Variants in CDC16 observed in about 807,000 individuals in gnomAD.
The protein encoded by CDC16 is cell division cycle protein 16 homolog.
Under a neutral mutation model 87.0 loss-of-function variants are expected in CDC16, and 34 were observed. The observed-to-expected ratio is 0.39, with a 90% CI of 0.30 to 0.52. The LOEUF is 0.52. Among genes scored for constraint, CDC16 ranks in the 20% least tolerant of loss-of-function variants. The probability of loss-of-function intolerance (pLI) is 0.74; values close to 1 mark genes in which losing one functional copy is unlikely to be tolerated. For missense variants in CDC16, 653 were observed against 751.9 expected, an observed-to-expected ratio of 0.87 and a Z score of 1.54; for synonymous variants, 263 against 260.6, an observed-to-expected ratio of 1.01 and a Z score of -0.09.
At chr13:114,253,720 CTTT>C (rs150557803) in intron 12 of CDC16, among the ~76,000 whole-genome samples, 43,758 of 150,810 alleles carry the variant, frequency 0.29, 8,461 homozygotes, top group African/African-American at 0.55. Flanking sequence ...ATTATTGAGG[CTTT>C]TTTATGAGCC....
chr13:114,252,978 A>G (rs1352873399), intron 12 of CDC16, among the ~76,000 whole-genome samples: 1 of 152,152 alleles, frequency 6.6e-6, no homozygotes, highest in African/African-American at 2.4e-5. Context: ...TACAAAAAAA[A>G]AATTTAAAAT....
At chr13:114,267,482 C>CAG (rs77027881) in intron 17 of CDC16, among the ~76,000 whole-genome samples, 71,311 of 151,780 alleles carry the variant, frequency 0.47, 19,945 homozygotes, top group African/African-American at 0.78. Context: ...GCCTGGGTGA[C>CAG]AGCCAATCTC....
Position 114,250,758 on chromosome 13 carries a change from T to A in CDC16, c.1097+84T>A, listed in dbSNP as rs1240135437. Reference sequence around the variant, plus strand: ...AATTTCTATTACTATTACTGCTATTTGGTTGCTAAACTAAACACAAACATT... The same window carrying A: ...AATTTCTATTACTATTACTGCTATTAGGTTGCTAAACTAAACACAAACATT... On this transcript the variant is annotated intron_variant, in intron 12 of 17. Coordinates refer to ENST00000356221, the MANE Select transcript of CDC16 (RefSeq NM_001078645.3). 4 of 1,356,970 alleles carry A rather than the reference T, an allele frequency of 2.9e-6. No individual in the cohort carries two copies. The East Asian group carries it at 9.9e-5, about 34-fold the overall frequency. 84.1% of individuals were successfully genotyped at this position (1,356,970 alleles called of 1,614,324 possible).
rs773468801 is a variant in CDC16 at position 114,239,411 on chromosome 13, A to G, written c.302A>G (p.Lys101Arg). 2 of 1,613,468 alleles carry G rather than the reference A, an allele frequency of 1.2e-6. No homozygotes were observed. Among genetic ancestry groups the G allele is most frequent in the Non-Finnish European group, 1.7e-6 (2 of 1,179,466 alleles). Residue 101 changes from lysine to arginine, a missense_variant, in exon 5 of 18, where the codon AAA becomes AGA. Lys to Arg is a conservative substitution (Grantham distance 26). Transcript: ENST00000356221. The stretch of plus-strand genomic sequence containing the variant: ...CTTGACATGGAAGAGCCCATCAATA[A>G]AAGATTATTTGAAAAATACTTGAAG... ...DVLDMEEPIN[K>R]RLFEKYLKDE...
intron 17 of CDC16, among the ~76,000 whole-genome samples, chr13:114,268,275 C>T (rs182045817): frequency 1.3e-5 from 2 of 152,286 alleles, no homozygotes; most frequent in South Asian, 2.1e-4. Flanking sequence ...GCTTACCTCC[C>T]GACTGGCTCA....
At position 114,262,964 on chromosome 13, in the gene CDC16, A is replaced by G. The variant is rs1436581199; in HGVS notation, c.1462A>G (p.Ile488Val). ...ATCCACCTACTCTGCTATTGGATAT[A>G]TCCACAGTCTGATGGGCAACTTTGA... ...NASTYSAIGY[I>V]HSLMGNFENA... Residue 488 changes from isoleucine to valine, a missense_variant, in exon 16 of 18, where the codon ATC becomes GTC. Coordinates refer to ENST00000356221, the MANE Select transcript of CDC16 (RefSeq NM_001078645.3). 3 of 1,613,716 alleles carry G rather than the reference A, an allele frequency of 1.9e-6. No individual in the cohort carries two copies. In the Admixed American group the frequency reaches 5.0e-5, roughly 27 times the overall value.
Position 114,243,774 on chromosome 13 carries a change from A to G in CDC16, c.634-82A>G, listed in dbSNP as rs1021082833. 4.2e-6 allele frequency: 5 copies of G among 1,194,930 alleles called. No individual in the cohort carries two copies. The African/African-American group carries it at 4.5e-5, about 11-fold the overall frequency. The allele number at this position is 1,194,930 out of a possible 1,614,324, so 74.0% of individuals were successfully genotyped here. ...ATTTGTTCTTGTAAATGTTTTAACC[A>G]CTTGGGCCAAACACAAATTGAATCC... is the stretch of plus-strand genomic sequence containing the variant. On this transcript the variant is annotated intron_variant, in intron 7 of 17. Transcript: ENST00000356221.
Position 114,272,487 on chromosome 13 carries a change from T to C in CDC16, c.*44T>C, listed in dbSNP as rs377224919. On this transcript the variant is annotated 3_prime_UTR_variant, in exon 18 of 18. Transcript: ENST00000356221. Reference sequence around the variant, plus strand: ...GTCCCACTGTCCCAGTGTAGGTTAGTATTCCTTCACATCCTCTCCATGGCT... The same window carrying C: ...GTCCCACTGTCCCAGTGTAGGTTAGCATTCCTTCACATCCTCTCCATGGCT... 8 of 1,562,298 alleles carry C rather than the reference T, an allele frequency of 5.1e-6. No individual in the cohort carries two copies. The highest frequency in any genetic ancestry group is 7.0e-6 in the Non-Finnish European group (8 of 1,143,216).
intron 14 of CDC16, among the ~76,000 whole-genome samples, chr13:114,261,494 CAG>C (rs879349756): frequency 3.3e-5 from 5 of 151,844 alleles, no homozygotes; most frequent in African/African-American, 7.3e-5. Context: ...GCAGTGAGGT[CAG>C]GGGCTGGGAT....
chr13:114,240,138 A>G (rs1424659459), intron 5 of CDC16, among the ~76,000 whole-genome samples: 1 of 152,180 alleles, frequency 6.6e-6, no homozygotes, highest in Non-Finnish European at 1.5e-5. Context: ...GGTCAATTTT[A>G]GAATATTTTT....
intron 17 of CDC16, 60 bp from the exon 18 acceptor site, chr13:114,272,124 A>G: frequency 3.1e-6 from 3 of 965,910 alleles, no homozygotes; most frequent in Non-Finnish European, 4.6e-6. Flanking sequence ...GTTATATAAC[A>G]ATAGAAATGA....
Position 114,272,608 on chromosome 13 carries a change from C to G in CDC16, c.*165C>G. 5.4e-6 allele frequency: 3 copies of G among 552,168 alleles called. No individual in the cohort carries two copies. Among genetic ancestry groups the G allele is most frequent in the South Asian group, 2.9e-5 (1 of 34,056 alleles). 34.2% of individuals were successfully genotyped at this position (552,168 alleles called of 1,614,324 possible). Reference sequence around the variant, plus strand: ...GAGACTGGATCGCACACCTTTGCAACAGATGTGTTCTGATTCTCTGAACCT... The same window carrying G: ...GAGACTGGATCGCACACCTTTGCAAGAGATGTGTTCTGATTCTCTGAACCT... On this transcript the variant is annotated 3_prime_UTR_variant, in exon 18 of 18. Coordinates refer to ENST00000356221, the MANE Select transcript of CDC16 (RefSeq NM_001078645.3).
At chr13:114,248,883 G>A (rs2138970894) in intron 11 of CDC16, among the ~76,000 whole-genome samples, 1 of 152,112 alleles carries the variant, frequency 6.6e-6, no homozygotes, top group East Asian at 1.9e-4. Flanking sequence ...ATGCTGCTTT[G>A]ATCTAGCGTG....
rs776207753 is a variant in CDC16 at position 114,245,965 on chromosome 13, G to T, written c.848-35G>T. 16 of 1,235,166 alleles carry T rather than the reference G, an allele frequency of 1.3e-5. No homozygotes were observed. In the South Asian group the frequency reaches 2.0e-4, roughly 15 times the overall value. The allele number at this position is 1,235,166 out of a possible 1,614,324, so 76.5% of individuals were successfully genotyped here. On this transcript the variant is annotated intron_variant, in intron 9 of 17. Coordinates refer to ENST00000356221, the MANE Select transcript of CDC16 (RefSeq NM_001078645.3). Reference sequence around the variant, plus strand: ...TCATGTCTTAAATTACATGTGATACGAACAATTGTTCTTTTTCTGCTTTTT... The same window carrying T: ...TCATGTCTTAAATTACATGTGATACTAACAATTGTTCTTTTTCTGCTTTTT...
chr13:114,239,527 C>T lies in CDC16; in HGVS notation c.381+37C>T, dbSNP rs375951937. 8.7e-5 allele frequency: 129 copies of T among 1,482,862 alleles called. 1 individual carries two copies. The highest frequency in any genetic ancestry group is 3.9e-4 in the African/African-American group (28 of 71,292). The allele number at this position is 1,482,862 out of a possible 1,614,324, so 91.9% of individuals were successfully genotyped here. A position where few individuals can be genotyped will look rare whatever the true frequency, so the allele number is the denominator to read the frequency against. ...TGTGAGCACAGCTCAGTAACGGCGG[C>T]GAGAATTGCCCTCATTACGTGGCAG... On this transcript the variant is annotated intron_variant, in intron 5 of 17. Transcript: ENST00000356221.
chr13:114,236,010 A>C (rs1484908945), intron 1 of CDC16, among the ~76,000 whole-genome samples: 1 of 152,044 alleles, frequency 6.6e-6, no homozygotes, highest in Admixed American at 6.6e-5. Context: ...GCTTGTCTCC[A>C]GGGGAACTGA....
At chr13:114,237,408 G>C (rs965609195) in intron 3 of CDC16, among the ~76,000 whole-genome samples, 16 of 151,834 alleles carry the variant, frequency 1.1e-4, no homozygotes, top group Admixed American at 8.5e-4. Flanking sequence ...TTCTGCCTCA[G>C]CCTCCCTAAT....
At chr13:114,250,928 G>A (rs1273897846) in intron 12 of CDC16, among the ~76,000 whole-genome samples, 1 of 152,120 alleles carries the variant, frequency 6.6e-6, no homozygotes, top group Non-Finnish European at 1.5e-5. Flanking sequence ...GAGGAGAGGA[G>A]TTCTGGAAGC....
In CDC16 at chr13:114,243,246, C is replaced by G. The variant is rs761222730; in HGVS notation, c.542-11C>G. 2 of 1,279,640 alleles carry G rather than the reference C, an allele frequency of 1.6e-6. No homozygotes were observed. Among genetic ancestry groups the G allele is most frequent in the Non-Finnish European group, 2.3e-6 (2 of 883,274 alleles). 79.3% of individuals were successfully genotyped at this position (1,279,640 alleles called of 1,614,324 possible). ...TATGAGGATATTCTTTTTTTTCTCA[C>G]CATTTTTAAGAAAAAGAACTTCTTG... On this transcript the variant is annotated splice_polypyrimidine_tract_variant and intron_variant, in intron 6 of 17. Transcript: ENST00000356221.
Sources: gnomAD v4.1 joint callset for allele counts (sites outside exome capture counted in the v4.1 genomes callset) on GRCh38, gnomAD v4.1.1 for gene constraint, MANE v1.5 for transcripts, NCBI Gene and HGNC (gene_info 2026-07-23, HGNC 2026-07-21) for gene names.